CELF2: variants seen among roughly 807,000 people sequenced by gnomAD.
CELF2 encodes CUGBP Elav-like family member 2, also known as CUG triplet repeat RNA-binding protein 2.
CELF2 carries 8 observed loss-of-function variants against 62.6 expected under a neutral mutation model. That is an observed-to-expected ratio of 0.13 (90% CI 0.07 to 0.23). The LOEUF is 0.23. Among genes scored for constraint, CELF2 ranks in the 10% least tolerant of loss-of-function variants. The pLI is 1.00. For missense variants in CELF2, 333 were observed against 671.0 expected, an observed-to-expected ratio of 0.50 and a Z score of 5.56; for synonymous variants, 258 against 250.0, an observed-to-expected ratio of 1.03 and a Z score of -0.30.
At chr10:10,581,504 A>G in the CELF2 span, among the ~76,000 whole-genome samples, 1 of 152,092 alleles carries the variant, frequency 6.6e-6, no homozygotes, top group Admixed American at 6.6e-5. Context: ...GTACTCAGGA[A>G]AGCTGACACA....
In CELF2 at chr10:11,177,810, C is replaced by A. The variant is rs2071777632; in HGVS notation, c.271+12128C>A. Among the ~76,000 whole-genome samples the A allele has an allele frequency of 6.6e-6, 1 of 152,158 alleles. No homozygotes were observed. The highest frequency in any genetic ancestry group is 2.4e-5 in the African/African-American group (1 of 41,436). On this transcript the variant is annotated intron_variant, in intron 2 of 12. Coordinates refer to ENST00000633077, the MANE Select transcript of CELF2 (RefSeq NM_001326342.2). This position sits in a 1 kb window ranked among gnomAD's most constrained non-coding sequence, Gnocchi z 4.8. ...GAACTCAGGAGCGGGTGAGGAGGGC[C>A]TTTCTCTGCCTCCCATTCCCAAAGC...
chr10:10,686,622 T>C, the CELF2 span, among the ~76,000 whole-genome samples: 2 of 152,288 alleles, frequency 1.3e-5, no homozygotes, highest in African/African-American at 4.8e-5. Flanking sequence ...CTTGTGGTTT[T>C]ATAAGGGGCT....
intron 5 of CELF2, among the ~76,000 whole-genome samples, chr10:11,265,825 G>A (rs971903901): frequency 2.6e-5 from 4 of 152,218 alleles, no homozygotes; most frequent in Admixed American, 2.0e-4. Flanking sequence ...TCTTGTGTAT[G>A]TTAGAACTAA....
At chr10:10,639,183 G>A in the CELF2 span, among the ~76,000 whole-genome samples, 2 of 152,234 alleles carry the variant, frequency 1.3e-5, no homozygotes, top group Non-Finnish European at 2.9e-5. Flanking sequence ...GATTGGCACT[G>A]ACATGGTGAA....
the CELF2 span, among the ~76,000 whole-genome samples, chr10:10,559,595 T>C: frequency 6.6e-6 from 1 of 152,186 alleles, no homozygotes; most frequent in Non-Finnish European, 1.5e-5. Context: ...GTGATCCTAA[T>C]ACATGGTAGA....
chr10:10,950,315 C>T (rs1398023599), intron 2 of CELF2, among the ~76,000 whole-genome samples: 5 of 152,056 alleles, frequency 3.3e-5, no homozygotes, highest in Admixed American at 2.6e-4. Context: ...AGAATGGCCA[C>T]TCTCATGTGC....
intron 1 of CELF2, among the ~76,000 whole-genome samples, chr10:11,134,525 CA>C (rs2060116251): frequency 1.3e-5 from 2 of 152,130 alleles, no homozygotes; most frequent in African/African-American, 4.8e-5. Context: ...CTTGTCCTTC[CA>C]GTGCTGATTG....
At chr10:10,650,867 G>T in the CELF2 span, among the ~76,000 whole-genome samples, 2 of 152,296 alleles carry the variant, frequency 1.3e-5, no homozygotes, top group South Asian at 4.2e-4. Flanking sequence ...GGGGGGAGGA[G>T]CCAAGATGGC....
At chr10:10,732,146 G>A in the CELF2 span, among the ~76,000 whole-genome samples, 2 of 152,152 alleles carry the variant, frequency 1.3e-5, no homozygotes, top group African/African-American at 4.8e-5. Context: ...ACAAACTCTT[G>A]CCTTGGCAGG....
chr10:11,232,671 G>A (rs988358191), intron 3 of CELF2, among the ~76,000 whole-genome samples: 6 of 152,182 alleles, frequency 3.9e-5, no homozygotes, highest in African/African-American at 9.7e-5. Flanking sequence ...GCATGGTACT[G>A]ATTTCAAGGA....
Position 11,313,069 on chromosome 10 carries a change from C to G in CELF2, c.977-1070C>G, listed in dbSNP as rs2094666632. Among the ~76,000 whole-genome samples the G allele has an allele frequency of 2.0e-5, 3 of 152,094 alleles. No individual in the cohort carries two copies. The South Asian group carries it at 6.2e-4, about 32-fold the overall frequency. On this transcript the variant is annotated intron_variant, in intron 9 of 12. Transcript: ENST00000633077. ...ACCTGTCTGTGTATTAGAGATGTAG[C>G]CAAAATACAAACAGATAAGTAAAAA...
the CELF2 span, among the ~76,000 whole-genome samples, chr10:10,538,534 T>C: frequency 1.3e-5 from 2 of 152,166 alleles, no homozygotes; most frequent in African/African-American, 4.8e-5. Flanking sequence ...CTTTAAGCCA[T>C]TATCTGTCCC....
chr10:11,205,499 T>A (rs2060229313), intron 2 of CELF2, among the ~76,000 whole-genome samples: 1 of 152,246 alleles, frequency 6.6e-6, no homozygotes, highest in South Asian at 2.1e-4. Context: ...ATACGTTGTT[T>A]GGCTTAATGT....
chr10:11,328,072 T>G lies in CELF2; in HGVS notation c.1439-854T>G, dbSNP rs755974452. 5.9e-5 allele frequency among the ~76,000 whole-genome samples: 9 copies of G among 152,176 alleles called. No individual in the cohort carries two copies. The highest frequency in any genetic ancestry group is 1.3e-4 in the Non-Finnish European group (9 of 68,028). On this transcript the variant is annotated intron_variant, in intron 12 of 12. Coordinates refer to ENST00000633077, the MANE Select transcript of CELF2 (RefSeq NM_001326342.2). The surrounding 1 kb of genome is among the most constrained non-coding windows in gnomAD (Gnocchi z 6.4). ...CTTGTCACTGGGTCTTTGCAGTTCT[T>G]TTTCAAAAGCTTGCCTTCCCTGCTG...
At chr10:10,605,906 G>A in the CELF2 span, among the ~76,000 whole-genome samples, 1 of 152,222 alleles carries the variant, frequency 6.6e-6, no homozygotes, top group South Asian at 2.1e-4. Flanking sequence ...TTGCTGGTCT[G>A]TAATCACGAG....
At chr10:10,945,648 C>A (rs565548436) in intron 2 of CELF2, among the ~76,000 whole-genome samples, 1 of 152,134 alleles carries the variant, frequency 6.6e-6, no homozygotes, top group African/African-American at 2.4e-5. Flanking sequence ...TCAGTGGAGG[C>A]GGCCAGAGCT....
intron 1 of CELF2, among the ~76,000 whole-genome samples, chr10:11,042,363 T>A (rs1272390316): frequency 6.6e-6 from 1 of 152,210 alleles, no homozygotes; most frequent in Non-Finnish European, 1.5e-5. Flanking sequence ...TTGGTGGACA[T>A]CTTGGTTATT....
intron 2 of CELF2, among the ~76,000 whole-genome samples, chr10:11,209,346 G>C (rs1411524890): frequency 4.6e-5 from 7 of 151,924 alleles, no homozygotes. Context: ...AACGGGCCCA[G>C]AGTCGGTCAT....
the CELF2 span, among the ~76,000 whole-genome samples, chr10:10,704,234 T>C: frequency 1.3e-5 from 2 of 152,198 alleles, no homozygotes; most frequent in South Asian, 2.1e-4. Flanking sequence ...AGTTTTATCA[T>C]AGACTGTTAA....
Sources: gnomAD v4.1 joint callset for allele counts (sites outside exome capture counted in the v4.1 genomes callset) on GRCh38, gnomAD v4.1.1 for gene constraint, Gnocchi (gnomAD v3.1) non-coding constraint, MANE v1.5 for transcripts, NCBI Gene and HGNC (gene_info 2026-07-23, HGNC 2026-07-21) for gene names.